LRRC37A2: variants seen among roughly 807,000 people sequenced by gnomAD.
LRRC37A2 encodes the protein leucine rich repeat containing 37 member A2, also known as leucine-rich repeat-containing protein 37A2.
Under a neutral mutation model 68.8 loss-of-function variants are expected in LRRC37A2, and 9 were observed. That is an observed-to-expected ratio of 0.13 (90% CI 0.08 to 0.23). LRRC37A2 has a LOEUF of 0.23. LRRC37A2 is among the 10% of genes least tolerant of loss of function. The pLI is 1.00. For synonymous variants in LRRC37A2, 63 were observed against 367.6 expected, an observed-to-expected ratio of 0.17 and a Z score of 9.48; for missense variants, 168 against 950.4, an observed-to-expected ratio of 0.18 and a Z score of 10.82.
At chr17:46,840,757 G>A in the LRRC37A2 span, among the ~76,000 whole-genome samples, 4 of 152,214 alleles carry the variant, frequency 2.6e-5, no homozygotes, top group African/African-American at 9.6e-5. Context: ...GACCAGTGAT[G>A]ATGAGCATTT....
the LRRC37A2 span, among the ~76,000 whole-genome samples, chr17:46,959,390 CAAA>C: frequency 1.3e-5 from 2 of 152,356 alleles, no homozygotes; most frequent in South Asian, 4.1e-4. Context: ...TGGTAGTCCT[CAAA>C]AGCCATTGGC....
At chr17:46,494,461 T>C in the LRRC37A2 span, among the ~76,000 whole-genome samples, 10 of 149,280 alleles carry the variant, frequency 6.7e-5, 1 homozygote, top group African/African-American at 2.5e-4. Flanking sequence ...ATGAAAGCAG[T>C]CATAGACAAT....
At chr17:46,978,881 C>T in the LRRC37A2 span, 1 of 1,553,988 alleles carries the variant, frequency 6.4e-7, no homozygotes, top group South Asian at 1.2e-5. Context: ...GCCAGCGGTG[C>T]GCCCCCTGGA....
chr17:46,939,012 T>C, the LRRC37A2 span: 10 of 1,331,268 alleles, frequency 7.5e-6, no homozygotes, highest in African/African-American at 1.5e-4. Flanking sequence ...TCTCTCACTC[T>C]CGCTCTCACT....
the LRRC37A2 span, among the ~76,000 whole-genome samples, chr17:46,896,812 C>T: frequency 1.9e-4 from 29 of 152,290 alleles, no homozygotes; most frequent in African/African-American, 6.7e-4. Context: ...ATTCCAGCGC[C>T]CAAGCAGGAG....
At chr17:46,897,717 A>T in the LRRC37A2 span, among the ~76,000 whole-genome samples, 2,041 of 152,018 alleles carry the variant, frequency 0.013, 32 homozygotes, top group Middle Eastern at 0.037. Context: ...CTCGAATTCC[A>T]GGGCTCAAGC....
the LRRC37A2 span, among the ~76,000 whole-genome samples, chr17:46,759,114 G>A: frequency 6.6e-6 from 1 of 152,200 alleles, no homozygotes; most frequent in Non-Finnish European, 1.5e-5. Context: ...TGAGGCAGGA[G>A]AATTGCTTGA....
At chr17:46,773,647 C>G in the LRRC37A2 span, 138 of 1,488,038 alleles carry the variant, frequency 9.3e-5, no homozygotes, top group Middle Eastern at 2.4e-4. Context: ...CCCTCCCCCC[C>G]CCTCAGCCCC....
chr17:46,892,762 G>T, the LRRC37A2 span, among the ~76,000 whole-genome samples: 1 of 151,952 alleles, frequency 6.6e-6, no homozygotes, highest in Admixed American at 6.6e-5. Flanking sequence ...GGGGGCTCAA[G>T]GATGGACAAA....
the LRRC37A2 span, chr17:46,929,771 C>T: frequency 1.7e-6 from 1 of 588,184 alleles, no homozygotes; most frequent in East Asian, 2.9e-5. Context: ...TTTGGAATCC[C>T]ACAAGTCTTA....
chr17:46,857,572 G>C, the LRRC37A2 span, among the ~76,000 whole-genome samples: 1 of 151,976 alleles, frequency 6.6e-6, no homozygotes, highest in African/African-American at 2.4e-5. Context: ...CTCTTTTTGT[G>C]GGTGTATGTT....
the LRRC37A2 span, among the ~76,000 whole-genome samples, chr17:47,038,148 A>T: frequency 6.6e-6 from 1 of 151,844 alleles, no homozygotes; most frequent in Non-Finnish European, 1.5e-5. Context: ...TACAAAAAAA[A>T]ATTAAAAGTT....
the LRRC37A2 span, chr17:46,965,066 A>G: frequency 1.3e-5 from 2 of 152,190 alleles, no homozygotes. Flanking sequence ...TGGCCCAGAC[A>G]TGTATCCCAG....
chr17:46,731,548 T>C, the LRRC37A2 span, among the ~76,000 whole-genome samples: 1 of 152,176 alleles, frequency 6.6e-6, no homozygotes. Context: ...GCTACTTAAA[T>C]GATGAAAGGA....
the LRRC37A2 span, among the ~76,000 whole-genome samples, chr17:47,012,707 G>T: frequency 0.033 from 5,065 of 152,260 alleles, 127 homozygotes; most frequent in Non-Finnish European, 0.043. Flanking sequence ...GAGAACTTTT[G>T]TCAAGAAGAC....
the LRRC37A2 span, among the ~76,000 whole-genome samples, chr17:46,902,102 T>C: frequency 2.0e-5 from 3 of 152,306 alleles, no homozygotes; most frequent in East Asian, 3.9e-4. Context: ...GCCACGGCAC[T>C]GGGCCGCAAG....
the LRRC37A2 span, chr17:46,751,729 T>TA: frequency 1.6e-6 from 1 of 613,008 alleles, no homozygotes; most frequent in South Asian, 3.2e-5. Flanking sequence ...TTGATTTTCT[T>TA]ATATTATTTC....
At chr17:46,408,902 A>G in the LRRC37A2 span, 2 of 77,088 alleles carry the variant, frequency 2.6e-5, no homozygotes, top group South Asian at 1.6e-4. Flanking sequence ...TTGTGGTTCT[A>G]TTTCTTCAAG....
the LRRC37A2 span, chr17:46,818,829 G>GTTCA: frequency 3.4e-6 from 2 of 581,178 alleles, no homozygotes; most frequent in Non-Finnish European, 6.1e-6. Flanking sequence ...TGAGTCTGTA[G>GTTCA]TTCAGCCTGT....
Sources: gnomAD v4.1 joint callset for allele counts (sites outside exome capture counted in the v4.1 genomes callset) on GRCh38, gnomAD v4.1.1 for gene constraint, MANE v1.5 for transcripts, NCBI Gene and HGNC (gene_info 2026-07-23, HGNC 2026-07-21) for gene names.